The following PTPRD variants were observed in gnomAD, a reference collection of about 807,000 sequenced individuals.
PTPRD encodes the protein protein tyrosine phosphatase receptor type D, also known as receptor-type tyrosine-protein phosphatase delta.
In PTPRD, 34 loss-of-function variants were observed where a neutral mutation model predicts 214.5. The ratio of observed to expected loss-of-function variants is 0.16; its 90% CI spans 0.12 to 0.21. PTPRD has a LOEUF of 0.21. Ranked by LOEUF, PTPRD falls within the 10% of genes least tolerant of loss-of-function variation. The pLI, the probability that PTPRD is intolerant of heterozygous loss-of-function variation, is 1.00. For synonymous variants in PTPRD, 1,128 were observed against 845.7 expected (o/e 1.33, Z -5.79); for missense variants, 2,545 against 2,398.7 (o/e 1.06, Z -1.27).
intron 11 of PTPRD, among the ~76,000 whole-genome samples, chr9:8,979,581 T>G (rs2099295269): frequency 6.6e-6 from 1 of 152,224 alleles, no homozygotes; most frequent in East Asian, 1.9e-4. Flanking sequence ...GCAAAGGACT[T>G]GAACAGACAT....
At chr9:9,118,437 G>A (rs139976899) in intron 10 of PTPRD, among the ~76,000 whole-genome samples, 50 of 152,224 alleles carry the variant, frequency 3.3e-4, no homozygotes, top group Admixed American at 7.9e-4. Flanking sequence ...CATGCACAGT[G>A]ATTTAGTACC....
intron 14 of PTPRD, among the ~76,000 whole-genome samples, chr9:8,529,769 C>T (rs2075192959): frequency 6.6e-6 from 1 of 152,114 alleles, no homozygotes; most frequent in Admixed American, 6.6e-5. Context: ...CAAATTAGAA[C>T]ATGGCCATTT....
intron 5 of PTPRD, among the ~76,000 whole-genome samples, chr9:9,770,081 G>C (rs1565131066): frequency 6.6e-6 from 1 of 152,150 alleles, no homozygotes; most frequent in Non-Finnish European, 1.5e-5. Flanking sequence ...ATGTGCATGT[G>C]ACTTTATAGT....
intron 3 of PTPRD, among the ~76,000 whole-genome samples, chr9:10,339,052 A>G (rs941243416): frequency 1.3e-5 from 2 of 151,780 alleles, no homozygotes; most frequent in African/African-American, 4.8e-5. Context: ...ATCATAGACA[A>G]TAAGCAGCAG....
intron 11 of PTPRD, among the ~76,000 whole-genome samples, chr9:8,964,580 T>C (rs988859506): frequency 6.6e-6 from 1 of 152,070 alleles, no homozygotes; most frequent in Non-Finnish European, 1.5e-5. Context: ...TTTAGTTATT[T>C]CTTTCATTCT....
chr9:8,701,992 C>T (rs571676112), intron 12 of PTPRD, among the ~76,000 whole-genome samples: 127 of 152,204 alleles, frequency 8.3e-4, no homozygotes, highest in African/African-American at 2.9e-3. Flanking sequence ...TAAGTAAATT[C>T]ATTTATACAT....
At chr9:8,358,126 A>T (rs2077439855) in intron 39 of PTPRD, among the ~76,000 whole-genome samples, 1 of 152,158 alleles carries the variant, frequency 6.6e-6, no homozygotes, top group African/African-American at 2.4e-5. Context: ...TGTTTCACAC[A>T]TGGCATAGTT....
intron 5 of PTPRD, among the ~76,000 whole-genome samples, chr9:9,914,363 G>A (rs992217921): frequency 1.3e-5 from 2 of 152,326 alleles, no homozygotes; most frequent in Middle Eastern, 3.4e-3. Context: ...CAGGAAAACA[G>A]CAAAGAGTAT....
At chr9:9,268,012 T>C (rs1940894934) in intron 9 of PTPRD, among the ~76,000 whole-genome samples, 2 of 150,970 alleles carry the variant, frequency 1.3e-5, no homozygotes, top group Non-Finnish European at 3.0e-5. Flanking sequence ...AACATAAAAC[T>C]GGAAGTTCTT....
At chr9:9,745,818 T>C (rs1428342065) in intron 6 of PTPRD, among the ~76,000 whole-genome samples, 1 of 152,112 alleles carries the variant, frequency 6.6e-6, no homozygotes, top group Non-Finnish European at 1.5e-5. Context: ...GCTTTTCATA[T>C]AGTATATAGT....
chr9:10,606,683 G>A (rs2079485185), intron 2 of PTPRD, among the ~76,000 whole-genome samples: 1 of 151,778 alleles, frequency 6.6e-6, no homozygotes, highest in Non-Finnish European at 1.5e-5. Flanking sequence ...CCAGACAAGG[G>A]AATGGAAGTA....
intron 7 of PTPRD, among the ~76,000 whole-genome samples, chr9:9,594,685 T>C (rs1254019669): frequency 6.6e-6 from 1 of 152,110 alleles, no homozygotes; most frequent in East Asian, 1.9e-4. Context: ...TATAGTATAG[T>C]TTGAAATCAG....
chr9:9,762,285 C>A (rs1007330838), intron 6 of PTPRD, among the ~76,000 whole-genome samples: 1 of 152,198 alleles, frequency 6.6e-6, no homozygotes, highest in African/African-American at 2.4e-5. Flanking sequence ...CATCTTTGTC[C>A]CTTCAGTAAA....
chr9:10,126,645 C>T lies in PTPRD; in HGVS notation c.-544-92855G>A, dbSNP rs576499378. On this transcript the variant is annotated intron_variant, in intron 3 of 45. Coordinates refer to ENST00000381196, the MANE Select transcript of PTPRD (RefSeq NM_002839.4). ...AACTTTCATCAGCAACACCAGAACACTAGATTCTTTCTTTTTTCTTTTTTA... is the reference window on the plus strand; with the variant it reads ...AACTTTCATCAGCAACACCAGAACATTAGATTCTTTCTTTTTTCTTTTTTA... Among the ~76,000 whole-genome samples, 226 of 152,226 alleles carry T rather than the reference C, an allele frequency of 1.5e-3. 1 individual carries two copies. Among genetic ancestry groups the T allele is most frequent in the African/African-American group, 5.1e-3 (213 of 41,526 alleles).
chr9:9,596,277 A>G (rs2093346039), intron 7 of PTPRD, among the ~76,000 whole-genome samples: 1 of 152,006 alleles, frequency 6.6e-6, no homozygotes, highest in African/African-American at 2.4e-5. Flanking sequence ...ATAGCATATC[A>G]ATAGAATATT....
chr9:8,795,538 T>C (rs552866034), intron 11 of PTPRD, among the ~76,000 whole-genome samples: 2 of 152,280 alleles, frequency 1.3e-5, no homozygotes, highest in East Asian at 3.9e-4. Flanking sequence ...ATTTCACACA[T>C]TGGATACCAC....
intron 9 of PTPRD, among the ~76,000 whole-genome samples, chr9:9,214,243 G>A (rs1435172337): frequency 6.6e-6 from 1 of 152,188 alleles, no homozygotes; most frequent in African/African-American, 2.4e-5. Context: ...CAGTGCTCCA[G>A]ATGCCCTCCA....
intron 11 of PTPRD, among the ~76,000 whole-genome samples, chr9:8,813,325 A>C (rs2154523484): frequency 6.6e-6 from 1 of 152,350 alleles, no homozygotes; most frequent in African/African-American, 2.4e-5. Flanking sequence ...GGAATAGCTT[A>C]TCAGAATTCA....
chr9:9,286,657 C>T (rs1396682919), intron 9 of PTPRD, among the ~76,000 whole-genome samples: 1 of 151,110 alleles, frequency 6.6e-6, no homozygotes, highest in Admixed American at 6.6e-5. Context: ...GTTAGTTCTT[C>T]CCTTTTTTGC....
Sources: allele counts gnomAD v4.1 joint callset (sites outside exome capture counted in the v4.1 genomes callset), GRCh38; gene constraint gnomAD v4.1.1; transcripts MANE v1.5; gene names NCBI Gene and HGNC (gene_info 2026-07-23, HGNC 2026-07-21).